The following NCAN variants were observed in gnomAD, a reference collection of about 807,000 sequenced individuals.
NCAN encodes the protein neurocan.
Under a neutral mutation model 121.8 loss-of-function variants are expected in NCAN, and 47 were observed. That is an observed-to-expected ratio of 0.39 (90% CI 0.31 to 0.49). NCAN has a LOEUF of 0.49. Among genes scored for constraint, NCAN ranks in the 20% least tolerant of loss-of-function variants. NCAN has a pLI of 0.92. For synonymous variants in NCAN, 633 were observed against 702.0 expected, an observed-to-expected ratio of 0.90 and a Z score of 1.55; for missense variants, 1,517 against 1,773.4, an observed-to-expected ratio of 0.86 and a Z score of 2.60.
chr19:19,227,985 G>A lies in NCAN; in HGVS notation c.2365G>A (p.Gly789Arg). The A allele has an allele frequency of 1.2e-6, 2 of 1,613,492 alleles. No homozygotes were observed. The highest frequency in any genetic ancestry group is 2.2e-5 in the East Asian group (1 of 44,864). ...CCCCTGGCCCTCAGTGTACAGCAAAGGGCTGGATGCAAGTTCCCCATCTGC... is the reference window on the plus strand; with the variant it reads ...CCCCTGGCCCTCAGTGTACAGCAAAAGGCTGGATGCAAGTTCCCCATCTGC... ...QDPWPSVYSK[G>R]LDASSPSAPL... Residue 789 changes from glycine (G) to arginine (R), a missense_variant, in exon 8 of 15, where the codon GGG becomes AGG. Physicochemically the swap from Gly to Arg is moderately radical, Grantham distance 125. Coordinates refer to ENST00000252575, the MANE Select transcript of NCAN (RefSeq NM_004386.3). This position sits in a 1 kb window ranked among gnomAD's most constrained non-coding sequence, Gnocchi z 4.2.
At chr19:19,218,832 A>C in intron 2 of NCAN, 83 bp from the exon 3 acceptor site, 3 of 1,351,778 alleles carry the variant, frequency 2.2e-6, no homozygotes, top group Non-Finnish European at 2.9e-6. Flanking sequence ...CCCTTTTAAA[A>C]AATTTTTTAA....
At chr19:19,224,257 G>A (rs779906515) in intron 4 of NCAN, 49 bp from the exon 5 acceptor site, 3 of 1,596,586 alleles carry the variant, frequency 1.9e-6, no homozygotes, top group Admixed American at 3.4e-5. Flanking sequence ...GGTTCCTTGG[G>A]GGCTCCAGGA....
chr19:19,230,664 T>C (rs1481690085), intron 8 of NCAN, among the ~76,000 whole-genome samples: 2 of 151,420 alleles, frequency 1.3e-5, no homozygotes, highest in Non-Finnish European at 2.9e-5. Flanking sequence ...AAATAGCTGA[T>C]GCAGGTTTCA....
chr19:19,212,025 C>G lies in NCAN; in HGVS notation c.-47C>G. On this transcript the variant is annotated 5_prime_UTR_variant, in exon 1 of 15. Coordinates refer to ENST00000252575, the MANE Select transcript of NCAN (RefSeq NM_004386.3). The surrounding 1 kb of genome is among the most constrained non-coding windows in gnomAD (Gnocchi z 4.5). Reference sequence around the variant, plus strand: ...GAGTCGGAGCGCAGCGTCCTTTGTGCCCGGCGGCCGCCCCGGGATGCGTCC... The same window carrying G: ...GAGTCGGAGCGCAGCGTCCTTTGTGGCCGGCGGCCGCCCCGGGATGCGTCC... The G allele has an allele frequency of 4.7e-6, 1 of 213,454 alleles. No individual in the cohort carries two copies. The highest frequency in any genetic ancestry group is 4.2e-5 in the South Asian group (1 of 23,616). The allele number at this position is 213,454 out of a possible 1,614,324, so 13.2% of individuals were successfully genotyped here. A position where few individuals can be genotyped will look rare whatever the true frequency, so the allele number is the denominator to read the frequency against.
chr19:19,229,775 GAAAC>G (rs1238529332), intron 8 of NCAN, among the ~76,000 whole-genome samples: 2 of 152,236 alleles, frequency 1.3e-5, no homozygotes, highest in East Asian at 1.9e-4. Flanking sequence ...ATGAAATTTA[GAAAC>G]AAACAAACAA....
chr19:19,228,096 G>A lies in NCAN; in HGVS notation c.2476G>A (p.Val826Met). The A allele has an allele frequency of 6.2e-7, 1 of 1,613,620 alleles. No homozygotes were observed. The highest frequency in any genetic ancestry group is 8.5e-7 in the Non-Finnish European group (1 of 1,180,016). Reference sequence around the variant, plus strand: ...GGTTGCTACAGATGAAGGACCCACTGTGAATCCCATGGATTCCACAGTCAC... The same window carrying A: ...GGTTGCTACAGATGAAGGACCCACTATGAATCCCATGGATTCCACAGTCAC... ...PWVATDEGPT[V>M]NPMDSTVTPA... Residue 826 changes from valine to methionine, a missense_variant, in exon 8 of 15, where the codon GTG becomes ATG. Physicochemically the swap from Val to Met is conservative, Grantham distance 21. Coordinates refer to ENST00000252575, the MANE Select transcript of NCAN (RefSeq NM_004386.3).
intron 10 of NCAN, 85 bp downstream of exon 10, chr19:19,235,181 C>T (rs2060876552): frequency 1.3e-6 from 1 of 754,014 alleles, no homozygotes; most frequent in Non-Finnish European, 2.3e-6. Context: ...CTCCAGGTCC[C>T]TGCCTCCAGT....
intron 3 of NCAN, among the ~76,000 whole-genome samples, chr19:19,222,478 C>T (rs917794096): frequency 6.6e-6 from 1 of 152,112 alleles, no homozygotes; most frequent in Non-Finnish European, 1.5e-5. Flanking sequence ...AGGGTTTCAC[C>T]ACATTGGCCA....
At chr19:19,219,613 G>GAACCC in intron 3 of NCAN, among the ~76,000 whole-genome samples, 1 of 138,650 alleles carries the variant, frequency 7.2e-6, no homozygotes, top group African/African-American at 2.7e-5. Context: ...AGGATCACTT[G>GAACCC]AGACTGGGAG....
chr19:19,248,785 G>C lies in NCAN; in HGVS notation c.3723G>C (p.Arg1241Ser), dbSNP rs756521699. 15 of 1,614,188 alleles carry C rather than the reference G, an allele frequency of 9.3e-6. 1 individual carries two copies. The South Asian group carries it at 1.6e-4, about 18-fold the overall frequency. The change falls in exon 14 of 15, where the codon AGG (arginine) becomes AGC (serine). Residue 1241 changes from arginine to serine, a missense_variant. Arg to Ser is a moderately radical substitution (Grantham distance 110). Coordinates refer to ENST00000252575, the MANE Select transcript of NCAN (RefSeq NM_004386.3). ...KAKYNVHATVRYQCNEGFAQH... is the reference protein window; with the variant it reads ...KAKYNVHATVSYQCNEGFAQH... ...AGTACAATGTCCATGCCACTGTAAG[G>C]TACCAGTGCAATGAAGGATTTGCCC...
chr19:19,248,625 A>AAACAAC (rs1051775973), intron 13 of NCAN, 75 bp from the exon 14 acceptor site: 39 of 1,459,446 alleles, frequency 2.7e-5, no homozygotes, highest in Non-Finnish European at 3.6e-5. Context: ...ACTCTGTCTC[A>AAACAAC]AACAACAACA....
At chr19:19,229,123 G>T (rs774899335) in intron 8 of NCAN, among the ~76,000 whole-genome samples, 57 of 152,320 alleles carry the variant, frequency 3.7e-4, no homozygotes, top group Admixed American at 5.9e-4. Flanking sequence ...CATAAGAATC[G>T]CTTGAACCCG....
chr19:19,219,337 G>A (rs1410887962), intron 3 of NCAN, 21 bp downstream of exon 3: 7 of 1,474,682 alleles, frequency 4.7e-6, no homozygotes, highest in South Asian at 1.3e-5. Context: ...GGCAAAGGAG[G>A]GGCCGGGGGC....
intron 2 of NCAN, among the ~76,000 whole-genome samples, chr19:19,217,891 G>A (rs1384817937): frequency 2.0e-5 from 3 of 152,128 alleles, no homozygotes; most frequent in African/African-American, 4.8e-5. Context: ...GGAGGCTGAG[G>A]CATGAGAATC....
intron 5 of NCAN, 55 bp downstream of exon 5, chr19:19,224,488 A>G: frequency 6.3e-7 from 1 of 1,583,620 alleles, no homozygotes; most frequent in Non-Finnish European, 8.6e-7. Context: ...AGTATCTATT[A>G]TTCTCCCCAA....
chr19:19,214,493 C>T (rs1455154801), intron 1 of NCAN, among the ~76,000 whole-genome samples: 1 of 151,862 alleles, frequency 6.6e-6, no homozygotes, highest in African/African-American at 2.4e-5. Context: ...TGTTGGGCAA[C>T]CTCAGTATAT....
intron 8 of NCAN, 31 bp downstream of exon 8, chr19:19,228,670 C>A: frequency 6.4e-7 from 1 of 1,574,232 alleles, no homozygotes; most frequent in Non-Finnish European, 8.6e-7. Context: ...CTCTGTCCAG[C>A]TCTCCATGGT....
At chr19:19,231,580 A>G (rs1387200554) in intron 8 of NCAN, among the ~76,000 whole-genome samples, 1 of 151,962 alleles carries the variant, frequency 6.6e-6, no homozygotes, top group Non-Finnish European at 1.5e-5. Flanking sequence ...TGCCCGCCTC[A>G]GCCTCCCGAA....
intron 3 of NCAN, among the ~76,000 whole-genome samples, chr19:19,223,377 C>T (rs1324506988): frequency 2.0e-5 from 3 of 152,058 alleles, no homozygotes; most frequent in African/African-American, 7.2e-5. Flanking sequence ...TGGACCTGTC[C>T]CTCAACCTTT....
Sources: allele counts gnomAD v4.1 joint callset (sites outside exome capture counted in the v4.1 genomes callset), GRCh38; gene constraint gnomAD v4.1.1; non-coding constraint Gnocchi (gnomAD v3.1); transcripts MANE v1.5; gene names NCBI Gene and HGNC (gene_info 2026-07-23, HGNC 2026-07-21).